Variants in KALRN observed in about 807,000 individuals in gnomAD.
KALRN encodes kalirin.
A neutral mutation model predicts 353.7 loss-of-function variants in KALRN; 70 were observed. The ratio of observed to expected loss-of-function variants is 0.20; its 90% CI spans 0.16 to 0.24. The LOEUF (loss-of-function observed/expected upper bound fraction) is 0.24, where lower values mean the gene tolerates loss of function less well. Ranked by LOEUF, KALRN falls within the 10% of genes least tolerant of loss-of-function variation. The pLI is 1.00. For synonymous variants in KALRN, 1,391 were observed against 1,434.8 expected, an observed-to-expected ratio of 0.97 and a Z score of 0.69; for missense variants, 2,791 against 3,756.7, an observed-to-expected ratio of 0.74 and a Z score of 6.72.
At chr3:124,055,853 A>G (rs1338900791) in intron 1 of KALRN, among the ~76,000 whole-genome samples, 4 of 152,092 alleles carry the variant, frequency 2.6e-5, no homozygotes, top group Non-Finnish European at 5.9e-5. Flanking sequence ...AGTGGGTGCC[A>G]TTTTTTTCCC....
chr3:124,671,568 C>G, intron 47 of KALRN, 92 bp from the exon 48 acceptor site: 1 of 809,402 alleles, frequency 1.2e-6, no homozygotes, highest in Non-Finnish European at 2.1e-6. Flanking sequence ...CTTATCCACA[C>G]GATGCCTAAC....
At chr3:124,377,871 T>C (rs1013071490) in intron 10 of KALRN, among the ~76,000 whole-genome samples, 1 of 152,140 alleles carries the variant, frequency 6.6e-6, no homozygotes, top group Non-Finnish European at 1.5e-5. Flanking sequence ...ACCCAGCTTT[T>C]TTTCTGGCTA....
At chr3:124,194,232 C>T (rs892924131) in intron 1 of KALRN, among the ~76,000 whole-genome samples, 2 of 152,108 alleles carry the variant, frequency 1.3e-5, no homozygotes, top group Admixed American at 6.5e-5. Context: ...GAAGAGGGAG[C>T]GATCGATGTG....
At chr3:124,131,891 T>C (rs536938976) in intron 1 of KALRN, among the ~76,000 whole-genome samples, 1 of 152,328 alleles carries the variant, frequency 6.6e-6, no homozygotes, top group African/African-American at 2.4e-5. Context: ...TCCCTGGACC[T>C]TAGTTCCTCC....
At chr3:124,056,899 A>G (rs565225792) in intron 1 of KALRN, among the ~76,000 whole-genome samples, 46 of 152,242 alleles carry the variant, frequency 3.0e-4, no homozygotes, top group Admixed American at 9.2e-4. Flanking sequence ...TGTAACAACT[A>G]CTCTTCAACA....
At chr3:124,679,655 G>A (rs745511649) in intron 51 of KALRN, 138 bp downstream of exon 51, 2 of 796,932 alleles carry the variant, frequency 2.5e-6, no homozygotes, top group South Asian at 2.8e-5. Context: ...TCCCATCCCA[G>A]CTATAAAAGA....
At chr3:124,364,420 A>T (rs910052886) in intron 10 of KALRN, among the ~76,000 whole-genome samples, 1 of 152,168 alleles carries the variant, frequency 6.6e-6, no homozygotes, top group East Asian at 1.9e-4. Flanking sequence ...GAAGAGCTTT[A>T]TGTGGGGAGA....
Position 124,168,401 on chromosome 3 carries a change from T to G in KALRN, c.74-59589T>G, listed in dbSNP as rs972572594. Among the ~76,000 whole-genome samples, 3 of 152,328 alleles carry G rather than the reference T, an allele frequency of 2.0e-5. No individual in the cohort carries two copies. The East Asian group carries it at 5.8e-4, about 29-fold the overall frequency. On this transcript the variant is annotated intron_variant, in intron 1 of 59. Transcript: ENST00000682506. ...AACTGATTGTCTACTTTGTCCAAGC[T>G]CTGGCAACCTGGGTTAGATAAACTA...
chr3:124,067,518 C>A (rs1409694752), intron 1 of KALRN, among the ~76,000 whole-genome samples: 1 of 151,870 alleles, frequency 6.6e-6, no homozygotes, highest in African/African-American at 2.4e-5. Flanking sequence ...CCACCCCCAA[C>A]AAACAAAAAA....
At chr3:124,684,364 A>T (rs1004170506) in intron 51 of KALRN, among the ~76,000 whole-genome samples, 2 of 152,182 alleles carry the variant, frequency 1.3e-5, no homozygotes, top group African/African-American at 2.4e-5. Context: ...TTTGTGTATA[A>T]GTGTGTTATT....
rs144561856 is a variant in KALRN, at chr3:124,200,655, G to C, written c.74-27335G>C. Among the ~76,000 whole-genome samples, 1,446 of 152,304 alleles carry C rather than the reference G, an allele frequency of 9.5e-3. 15 individuals are homozygous for C. Among genetic ancestry groups the C allele is most frequent in the Non-Finnish European group, 0.013 (901 of 68,028 alleles). ...GCCTTAGAGAATTGTGGTGAACAAT[G>C]CATGAGAGAATGCATGCAAAAGTGA... is the stretch of plus-strand genomic sequence containing the variant. On this transcript the variant is annotated intron_variant, in intron 1 of 59. Transcript: ENST00000682506.
At chr3:124,395,815 T>G (rs1007758414) in intron 12 of KALRN, among the ~76,000 whole-genome samples, 8 of 152,198 alleles carry the variant, frequency 5.3e-5, no homozygotes, top group Admixed American at 2.0e-4. Flanking sequence ...AAAAGTGTGG[T>G]GGTGTCCTAC....
intron 6 of KALRN, among the ~76,000 whole-genome samples, chr3:124,314,651 G>A (rs1240869222): frequency 6.6e-6 from 1 of 152,096 alleles, no homozygotes; most frequent in African/African-American, 2.4e-5. Flanking sequence ...AAAGACACTG[G>A]CATGTAGAGG....
chr3:124,705,704 A>G (rs1412829770), intron 57 of KALRN, among the ~76,000 whole-genome samples: 1 of 152,180 alleles, frequency 6.6e-6, no homozygotes, highest in African/African-American at 2.4e-5. Flanking sequence ...ACAGGCAACC[A>G]GTCAGCATTC....
chr3:124,592,317 A>T (rs2075870044), intron 34 of KALRN, among the ~76,000 whole-genome samples: 1 of 151,504 alleles, frequency 6.6e-6, no homozygotes, highest in Non-Finnish European at 1.5e-5. Context: ...AACAAAAAAA[A>T]AAAAAAAAAA....
At chr3:124,041,974 C>G (rs949961033) in intron 1 of KALRN, among the ~76,000 whole-genome samples, 1 of 152,162 alleles carries the variant, frequency 6.6e-6, no homozygotes, top group Non-Finnish European at 1.5e-5. Context: ...TAGAAGGGAG[C>G]TGGACACTAG....
intron 6 of KALRN, among the ~76,000 whole-genome samples, chr3:124,311,333 C>A (rs998798655): frequency 6.6e-6 from 1 of 151,766 alleles, no homozygotes; most frequent in African/African-American, 2.4e-5. Context: ...CATGGTGGGG[C>A]ACGCCTATAG....
chr3:124,490,890 TGGG>T lies in KALRN; in HGVS notation c.4587+8_4587+10del, dbSNP rs2063079108. 1 of 1,603,382 alleles carries T rather than the reference TGGG, an allele frequency of 6.2e-7. No individual in the cohort carries two copies. Among genetic ancestry groups the T allele is most frequent in the South Asian group, 1.1e-5 (1 of 90,454 alleles). Reference sequence around the variant, plus strand: ...TTTACAAGAACAAGCTACTGGTAGGTGGGGCAGGTGGGGTAAGACAAGACTCCC... The same window carrying T: ...TTTACAAGAACAAGCTACTGGTAGGTGCAGGTGGGGTAAGACAAGACTCCC... On this transcript the variant is annotated splice_region_variant and intron_variant, in intron 30 of 59. Transcript: ENST00000682506.
At chr3:124,700,790 G>A (rs1437388211) in intron 56 of KALRN, among the ~76,000 whole-genome samples, 1 of 152,066 alleles carries the variant, frequency 6.6e-6, no homozygotes, top group Non-Finnish European at 1.5e-5. Flanking sequence ...TTAGGGTTAA[G>A]GGAATTCTGG....
Sources: allele counts gnomAD v4.1 joint callset (sites outside exome capture counted in the v4.1 genomes callset), GRCh38; gene constraint gnomAD v4.1.1; transcripts MANE v1.5; gene names NCBI Gene and HGNC (gene_info 2026-07-23, HGNC 2026-07-21).